The following CELSR2 variants were observed in gnomAD, a reference collection of about 807,000 sequenced individuals.
CELSR2 encodes the protein cadherin EGF LAG seven-pass G-type receptor 2.
In CELSR2, 81 loss-of-function variants were observed where a neutral mutation model predicts 251.6. That is an observed-to-expected ratio of 0.32 (90% CI 0.27 to 0.39). The LOEUF is 0.39. CELSR2 is among the 10% of genes least tolerant of loss of function. CELSR2 has a pLI of 1.00. For missense variants in CELSR2, 3,365 were observed against 3,947.7 expected (o/e 0.85, Z 3.96); for synonymous variants, 1,721 against 1,670.5 (o/e 1.03, Z -0.74).
chr1:109,270,700 C>A, intron 24 of CELSR2, 100 bp downstream of exon 24: 1 of 1,448,342 alleles, frequency 6.9e-7, no homozygotes, highest in Non-Finnish European at 9.4e-7. Flanking sequence ...CCCCACATCC[C>A]CATGCCCCAG....
At position 109,251,529 on chromosome 1, in the gene CELSR2, C is replaced by T; in HGVS notation, c.1450C>T (p.Leu484Phe). The T allele has an allele frequency of 6.2e-7, 1 of 1,613,710 alleles. No individual in the cohort carries two copies. Among genetic ancestry groups the T allele is most frequent in the Non-Finnish European group, 8.5e-7 (1 of 1,180,022 alleles). The change falls in exon 1 of 34, where the codon CTC becomes TTC. Residue 484 changes from leucine to phenylalanine, a missense_variant. By Grantham distance (22) the Leu-to-Phe change is conservative (BLOSUM62 0). Transcript: ENST00000271332. The surrounding 1 kb of genome is among the most constrained non-coding windows in gnomAD (Gnocchi z 4.9). ...VRAQDGGRPP[L>F]SNVSGLVTVQ... ...AGCACAGGATGGTGGCCGTCCCCCA[C>T]TCTCTAATGTCTCTGGCTTGGTGAC...
Position 109,258,721 on chromosome 1 carries a change from G to C in CELSR2, c.3600G>C (p.Leu1200=). The change falls in exon 2 of 34, where the codon CTG becomes CTC. Residue 1200 remains leucine (L), a synonymous_variant. Coordinates refer to ENST00000271332, the MANE Select transcript of CELSR2 (RefSeq NM_001408.3). ...PPGPGGGPPF[L]PSEDLQERLY... ...GGCCCGGGGGCGGGCCGCCCTTCCTGCCCTCTGAGGACCTGCAGGAGCGCC... is the reference window on the plus strand; with the variant it reads ...GGCCCGGGGGCGGGCCGCCCTTCCTCCCCTCTGAGGACCTGCAGGAGCGCC... 6.4e-7 allele frequency: 1 copy of C among 1,557,596 alleles called. No individual in the cohort carries two copies. The highest frequency in any genetic ancestry group is 8.7e-7 in the Non-Finnish European group (1 of 1,150,752).
At position 109,270,227 on chromosome 1, in the gene CELSR2, T is replaced by C; in HGVS notation, c.7308+94T>C. 4.3e-6 allele frequency: 6 copies of C among 1,394,198 alleles called. No individual in the cohort carries two copies. In the South Asian group the frequency reaches 7.1e-5, roughly 17 times the overall value. 86.4% of individuals were successfully genotyped at this position (1,394,198 alleles called of 1,614,324 possible). A position where few individuals can be genotyped will look rare whatever the true frequency, so the allele number is the denominator to read the frequency against. ...ACCCCTGCTCCTGCACCATGAACTC[T>C]AATAAGGTGCCTAGTGCAGCACCTG... On this transcript the variant is annotated intron_variant, in intron 23 of 33. Coordinates refer to ENST00000271332, the MANE Select transcript of CELSR2 (RefSeq NM_001408.3).
intron 27 of CELSR2, 41 bp from the exon 28 acceptor site, chr1:109,271,559 G>A: frequency 6.2e-7 from 1 of 1,614,162 alleles, no homozygotes; most frequent in Non-Finnish European, 8.5e-7. Flanking sequence ...GGCTGTGGAT[G>A]CCTGAATATG....
Position 109,251,924 on chromosome 1 carries a change from C to T in CELSR2, c.1845C>T (p.Tyr615=). 6.2e-7 allele frequency: 1 copy of T among 1,614,154 alleles called. No individual in the cohort carries two copies. The highest frequency in any genetic ancestry group is 8.5e-7 in the Non-Finnish European group (1 of 1,180,014). The change falls in exon 1 of 34, where the codon TAC becomes TAT. Residue 615 remains tyrosine, a synonymous_variant. Transcript: ENST00000271332. The surrounding 1 kb of genome is among the most constrained non-coding windows in gnomAD (Gnocchi z 4.9). ...ATCCAACCTTTACCCAACCAGAGTACACAGTGCGGCTCAATGAGGATGCAG... is the reference window on the plus strand; with the variant it reads ...ATCCAACCTTTACCCAACCAGAGTATACAGTGCGGCTCAATGAGGATGCAG... ...DNNPTFTQPE[Y]TVRLNEDAAV... is the part of the protein sequence containing the mutation.
Position 109,265,224 on chromosome 1 carries a change from A to G in CELSR2, c.5640A>G (p.Gly1880=), listed in dbSNP as rs570879039. 7 of 1,611,552 alleles carry G rather than the reference A, an allele frequency of 4.3e-6. No homozygotes were observed. In the African/African-American group the frequency reaches 8.0e-5, roughly 18 times the overall value. Residue 1880 remains glycine (G), a synonymous_variant, in exon 13 of 34, where the codon GGA becomes GGG. Coordinates refer to ENST00000271332, the MANE Select transcript of CELSR2 (RefSeq NM_001408.3). ...IDQPCPRGWW[G]HPTCGPCNCD... is the part of the protein sequence containing the mutation. The stretch of plus-strand genomic sequence containing the variant: ...AGCCTTGTCCCCGTGGCTGGTGGGG[A>G]CATCCCACATGTGGCCCATGCAACT...
In CELSR2 at chr1:109,271,464, C is replaced by T. The variant is rs762369826; in HGVS notation, c.7755C>T (p.Ser2585=). The change falls in exon 27 of 34, where the codon AGC becomes AGT. Residue 2585 remains serine (S), a synonymous_variant. Transcript: ENST00000271332. ...TWLLALLSVN[S]DTLLFHYLFA... is the part of the protein sequence containing the mutation. ...TGCTGGCACTGCTCTCTGTCAACAG[C>T]GACACCCTCCTCTTCCACTACCTCT... is the stretch of plus-strand genomic sequence containing the variant. 7.4e-6 allele frequency: 12 copies of T among 1,613,974 alleles called. No homozygotes were observed. Among genetic ancestry groups the T allele is most frequent in the African/African-American group, 1.3e-5 (1 of 74,928 alleles).
At position 109,265,873 on chromosome 1, in the gene CELSR2, C is replaced by A; in HGVS notation, c.5866C>A (p.Arg1956Ser). The A allele has an allele frequency of 6.2e-7, 1 of 1,613,998 alleles. No homozygotes were observed. Among genetic ancestry groups the A allele is most frequent in the Non-Finnish European group, 8.5e-7 (1 of 1,179,972 alleles). Residue 1956 changes from arginine (R) to serine (S), a missense_variant, in exon 14 of 34, where the codon CGC (arginine) becomes AGC (serine). Physicochemically the swap from Arg to Ser is moderately radical, Grantham distance 110. Around this residue, in one of 5 missense-constraint regions of CELSR2, gnomAD observed 2,093 missense variants for 2,382.8 expected, o/e 0.88. Coordinates refer to ENST00000271332, the MANE Select transcript of CELSR2 (RefSeq NM_001408.3). ...KPGVIGRQCD[R>S]CDNPFAEVTT... Reference sequence around the variant, plus strand: ...AGGTGTCATCGGGCGTCAGTGTGACCGCTGTGACAACCCTTTTGCTGAGGT... The same window carrying A: ...AGGTGTCATCGGGCGTCAGTGTGACAGCTGTGACAACCCTTTTGCTGAGGT...
intron 1 of CELSR2, among the ~76,000 whole-genome samples, chr1:109,255,905 T>A (rs1340736509): frequency 1.3e-5 from 2 of 152,066 alleles, no homozygotes; most frequent in African/African-American, 4.8e-5. Context: ...AACAGAGACA[T>A]GCTGGGAGAG....
Position 109,250,255 on chromosome 1 carries a change from C to A in CELSR2, c.176C>A (p.Pro59Gln), listed in dbSNP as rs755371779. 2 of 1,611,862 alleles carry A rather than the reference C, an allele frequency of 1.2e-6. No homozygotes were observed. Among genetic ancestry groups the A allele is most frequent in the Non-Finnish European group, 1.7e-6 (2 of 1,179,334 alleles). ...GACAPMGWLC[P>Q]SSASNLWLYT... ...TGCGCCCCCATGGGCTGGCTCTGTC[C>A]ATCCTCAGCGTCGAACCTCTGGCTC... The change falls in exon 1 of 34, where the codon CCA becomes CAA. Residue 59 changes from proline to glutamine, a missense_variant. Physicochemically the swap from Pro to Gln is moderately conservative, Grantham distance 76. Around this residue, in one of 5 missense-constraint regions of CELSR2, gnomAD observed 704 missense variants for 784.1 expected, o/e 0.90. Coordinates refer to ENST00000271332, the MANE Select transcript of CELSR2 (RefSeq NM_001408.3). This position sits in a 1 kb window ranked among gnomAD's most constrained non-coding sequence, Gnocchi z 4.4.
Position 109,264,523 on chromosome 1 carries a change from G to C in CELSR2, c.5359G>C (p.Val1787Leu), listed in dbSNP as rs368956345. The change falls in exon 11 of 34, where the codon GTG becomes CTG. Residue 1787 changes from valine to leucine, a missense_variant. Physicochemically the swap from Val to Leu is conservative, Grantham distance 32 (BLOSUM62 1). Coordinates refer to ENST00000271332, the MANE Select transcript of CELSR2 (RefSeq NM_001408.3). ...LDPSHGESIN[V>L]EQGCSLPDPC... ...TCCCAGCCATGGGGAGAGCATCAAC[G>C]TGGAGCAAGGCTGTAGCCTGCCTGA... is the stretch of plus-strand genomic sequence containing the variant. The C allele has an allele frequency of 8.7e-6, 14 of 1,614,084 alleles. No homozygotes were observed. The highest frequency in any genetic ancestry group is 1.7e-6 in the Non-Finnish European group (2 of 1,180,048).
At chr1:109,253,481 C>G in intron 1 of CELSR2, 92 bp downstream of exon 1, 1 of 1,485,646 alleles carries the variant, frequency 6.7e-7, no homozygotes, top group South Asian at 1.4e-5. Context: ...CAGGAAGCAG[C>G]TACAGATCCA....
intron 28 of CELSR2, among the ~76,000 whole-genome samples, chr1:109,271,965 ATCTC>A (rs1418201828): frequency 2.0e-5 from 3 of 152,188 alleles, no homozygotes; most frequent in African/African-American, 4.8e-5. Context: ...GCACCTGAGA[ATCTC>A]TCATGAATTT....
At chr1:109,254,035 G>A (rs1655778948) in intron 1 of CELSR2, among the ~76,000 whole-genome samples, 2 of 152,238 alleles carry the variant, frequency 1.3e-5, no homozygotes, top group South Asian at 4.1e-4. Flanking sequence ...TGAGGCCAGA[G>A]CTCATTGTCT....
In CELSR2 at chr1:109,261,279, A is replaced by G; in HGVS notation, c.4181+15A>G. On this transcript the variant is annotated intron_variant, in intron 3 of 33. Transcript: ENST00000271332. The surrounding 1 kb of genome is among the most constrained non-coding windows in gnomAD (Gnocchi z 4.8). ...CTGGCCCTCTCGTGAGTGGCTGGGC[A>G]CTGGGGGTGGGGAGTGGGCCTGGTG... The G allele has an allele frequency of 1.2e-6, 2 of 1,609,606 alleles. No individual in the cohort carries two copies. Among genetic ancestry groups the G allele is most frequent in the Non-Finnish European group, 1.7e-6 (2 of 1,178,010 alleles).
In CELSR2 at chr1:109,261,738, C is replaced by T. The variant is rs1656026680; in HGVS notation, c.4298-70C>T. 5.2e-6 allele frequency: 8 copies of T among 1,543,234 alleles called. No homozygotes were observed. The highest frequency in any genetic ancestry group is 7.1e-6 in the Non-Finnish European group (8 of 1,127,068). ...AGCCAAATCTGGGCCCAGCCCCAGC[C>T]ACTGGCACCCCAAACCCTGCCATTC... On this transcript the variant is annotated intron_variant, in intron 4 of 33. Transcript: ENST00000271332. This position sits in a 1 kb window ranked among gnomAD's most constrained non-coding sequence, Gnocchi z 4.8.
chr1:109,268,482 G>A, intron 17 of CELSR2, 99 bp from the exon 18 acceptor site: 1 of 1,429,364 alleles, frequency 7.0e-7, no homozygotes, highest in Non-Finnish European at 9.3e-7. Context: ...GAGGGGCCTG[G>A]TGGGGAGCAG....
intron 9 of CELSR2, 125 bp downstream of exon 9, chr1:109,263,902 C>T (rs751130598): frequency 4.1e-5 from 57 of 1,404,194 alleles, no homozygotes; most frequent in Non-Finnish European, 3.8e-5. Context: ...CCGCTGGATC[C>T]GTTGGGAAGG....
Position 109,267,588 on chromosome 1 carries a change from C to G in CELSR2, c.6054C>G (p.Leu2018=). 1 of 1,613,990 alleles carries G rather than the reference C, an allele frequency of 6.2e-7. No individual in the cohort carries two copies. The highest frequency in any genetic ancestry group is 8.5e-7 in the Non-Finnish European group (1 of 1,179,938). Residue 2018 remains leucine (L), a synonymous_variant, in exon 16 of 34, where the codon CTC becomes CTG. Transcript: ENST00000271332. ...VRHCDEHRGW[L]PPNLFNCTSI... is the part of the protein sequence containing the mutation. ...ACTGTGATGAGCACAGGGGGTGGCT[C>G]CCCCCAAACCTCTTCAACTGCACGT...
Sources: allele counts gnomAD v4.1 joint callset (sites outside exome capture counted in the v4.1 genomes callset), GRCh38; gene constraint gnomAD v4.1.1; regional missense constraint gnomAD v4.1.1; non-coding constraint Gnocchi (gnomAD v3.1); transcripts MANE v1.5; gene names NCBI Gene and HGNC (gene_info 2026-07-23, HGNC 2026-07-21).